Variants in DIAPH2 observed in about 807,000 individuals in gnomAD.
DIAPH2 encodes the protein protein diaphanous homolog 2.
A neutral mutation model predicts 92.7 loss-of-function variants in DIAPH2; 35 were observed. That is an observed-to-expected ratio of 0.38 (90% confidence interval 0.29 to 0.50). The LOEUF (loss-of-function observed/expected upper bound fraction) is 0.50, where lower values mean the gene tolerates loss of function less well. Ranked by LOEUF, DIAPH2 falls within the 20% of genes least tolerant of loss-of-function variation. The probability of loss-of-function intolerance (pLI) is 0.94; values close to 1 mark genes in which losing one functional copy is unlikely to be tolerated. For synonymous variants in DIAPH2, 301 were observed against 280.4 expected (o/e 1.07, Z -0.73); for missense variants, 701 against 819.5 (o/e 0.86, Z 1.77).
intron 23 of DIAPH2, among the ~76,000 whole-genome samples, chrX:97,330,516 CTTTTT>C (rs750951678): frequency 2.0e-5 from 2 of 101,015 alleles, no homozygotes; most frequent in Non-Finnish European, 4.1e-5. Context: ...TTCTTTCTTT[CTTTTT>C]TTTTTTTTTG....
At chrX:96,828,040 G>C (rs2064826649) in intron 4 of DIAPH2, among the ~76,000 whole-genome samples, 1 of 111,869 alleles carries the variant, frequency 8.9e-6, no homozygotes. Flanking sequence ...AAAGTGCCGG[G>C]ATTACAGGCG....
intron 26 of DIAPH2, among the ~76,000 whole-genome samples, chrX:97,579,521 A>G (rs745615152): frequency 3.6e-5 from 4 of 110,760 alleles, no homozygotes; most frequent in Middle Eastern, 4.2e-3. Context: ...TGTTCCATTG[A>G]TCTATATCTC....
chrX:97,430,946 A>G (rs762421090), intron 26 of DIAPH2, among the ~76,000 whole-genome samples: 12 of 112,432 alleles, frequency 1.1e-4, no homozygotes, highest in Non-Finnish European at 2.3e-4. Context: ...TTGAGAGGAA[A>G]CAAGTGTTTT....
chrX:97,243,180 A>G (rs1328358363), intron 22 of DIAPH2, among the ~76,000 whole-genome samples: 1 of 110,944 alleles, frequency 9.0e-6, no homozygotes, highest in African/African-American at 3.3e-5. Context: ...CACAGGTTGC[A>G]TATCCATGAA....
chrX:97,532,760 T>G (rs1452480539), intron 26 of DIAPH2, among the ~76,000 whole-genome samples: 1 of 112,111 alleles, frequency 8.9e-6, no homozygotes, highest in Non-Finnish European at 1.9e-5. Context: ...TTCTCCTTAC[T>G]TAACATAAAA....
At chrX:96,859,223 G>A (rs774276118) in intron 4 of DIAPH2, among the ~76,000 whole-genome samples, 62 of 110,767 alleles carry the variant, frequency 5.6e-4, no homozygotes, top group African/African-American at 2.0e-3. Flanking sequence ...AAGCTTAATA[G>A]GAGGGTATAT....
intron 26 of DIAPH2, among the ~76,000 whole-genome samples, chrX:97,515,286 G>A (rs922528004): frequency 8.9e-6 from 1 of 112,466 alleles, no homozygotes; most frequent in South Asian, 3.7e-4. Flanking sequence ...GGTGCCGTCC[G>A]TCACCCCTTT....
At chrX:97,207,759 T>A (rs2067809261) in intron 22 of DIAPH2, among the ~76,000 whole-genome samples, 1 of 111,693 alleles carries the variant, frequency 9.0e-6, no homozygotes, top group Non-Finnish European at 1.9e-5. Flanking sequence ...TGCTTGTCAG[T>A]CATGATCCAT....
intron 24 of DIAPH2, among the ~76,000 whole-genome samples, chrX:97,351,447 G>C (rs764070678): frequency 8.9e-6 from 1 of 112,013 alleles, no homozygotes; most frequent in African/African-American, 3.2e-5. Flanking sequence ...ATAGAAATAT[G>C]TTAAGGTGCG....
intron 26 of DIAPH2, among the ~76,000 whole-genome samples, chrX:97,596,531 A>C (rs761482074): frequency 4.5e-5 from 5 of 111,948 alleles, no homozygotes; most frequent in Non-Finnish European, 7.5e-5. Context: ...CTAGTTAGAA[A>C]AGTGAATTGG....
chrX:97,397,353 T>C (rs1298233484), intron 25 of DIAPH2, among the ~76,000 whole-genome samples: 1 of 23,405 alleles, frequency 4.3e-5, no homozygotes, highest in Non-Finnish European at 9.8e-5. Flanking sequence ...CTACTTTAAA[T>C]GTACTTTAAA....
In DIAPH2 at chrX:97,306,239, A is replaced by G. The variant is rs187987489; in HGVS notation, c.2845-41877A>G. On this transcript the variant is annotated intron_variant, in intron 23 of 26. Coordinates refer to ENST00000324765, the MANE Select transcript of DIAPH2 (RefSeq NM_006729.5). Reference sequence around the variant, plus strand: ...GGATCTGTTTGAATTAGCCAAGGATATACTACGTTGTAGATGGTGAGGGCA... The same window carrying G: ...GGATCTGTTTGAATTAGCCAAGGATGTACTACGTTGTAGATGGTGAGGGCA... Among the ~76,000 whole-genome samples, 513 of 111,221 alleles carry G rather than the reference A, an allele frequency of 4.6e-3. 4 individuals are homozygous for G. Among genetic ancestry groups the G allele is most frequent in the Admixed American group, 7.9e-3 (82 of 10,349 alleles).
intron 23 of DIAPH2, among the ~76,000 whole-genome samples, chrX:97,252,882 G>A (rs143598790): frequency 0.013 from 1,476 of 111,498 alleles, 34 homozygotes; most frequent in African/African-American, 0.046. Context: ...AAATTAGAAA[G>A]TTCAATGCAA....
At chrX:96,766,351 T>A (rs990060429) in intron 4 of DIAPH2, among the ~76,000 whole-genome samples, 1 of 111,083 alleles carries the variant, frequency 9.0e-6, no homozygotes, top group African/African-American at 3.3e-5. Context: ...CATTTGAGTT[T>A]GCAAATCCTG....
chrX:97,093,628 T>C (rs2066844037), intron 19 of DIAPH2, among the ~76,000 whole-genome samples: 1 of 112,062 alleles, frequency 8.9e-6, no homozygotes, highest in Non-Finnish European at 1.9e-5. Context: ...GAGTACAAAA[T>C]AGGACATAAA....
At chrX:97,229,195 T>A (rs2147524784) in intron 22 of DIAPH2, among the ~76,000 whole-genome samples, 1 of 112,685 alleles carries the variant, frequency 8.9e-6, no homozygotes, top group African/African-American at 3.2e-5. Flanking sequence ...GTTCAGGATG[T>A]TAGTCATATT....
At chrX:97,349,083 T>TA (rs1491356215) in intron 24 of DIAPH2, among the ~76,000 whole-genome samples, 844 of 45,520 alleles carry the variant, frequency 0.019, 3 homozygotes, top group East Asian at 0.077. Context: ...TATATATATA[T>TA]TTTTTTTTTT....
intron 26 of DIAPH2, among the ~76,000 whole-genome samples, chrX:97,487,643 T>G (rs145884760): frequency 0.028 from 3,121 of 112,075 alleles, 102 homozygotes; most frequent in African/African-American, 0.097. Context: ...TTTAATTTTT[T>G]GAGGAAGCTT....
chrX:96,947,052 G>A (rs1004028673), intron 14 of DIAPH2, among the ~76,000 whole-genome samples: 16 of 111,534 alleles, frequency 1.4e-4, no homozygotes, highest in African/African-American at 5.2e-4. Flanking sequence ...GTGACTTTGG[G>A]TAAGCCACTT....
Sources: gnomAD v4.1 joint callset for allele counts (sites outside exome capture counted in the v4.1 genomes callset) on GRCh38, gnomAD v4.1.1 for gene constraint, MANE v1.5 for transcripts, NCBI Gene and HGNC (gene_info 2026-07-23, HGNC 2026-07-21) for gene names.